Variants in RELL1 observed in about 807,000 individuals in gnomAD.
RELL1 encodes RELT-like protein 1.
RELL1 carries 10 observed loss-of-function variants against 23.0 expected under a neutral mutation model. That is an observed-to-expected ratio of 0.43 (90% CI 0.27 to 0.74). The LOEUF is 0.74. Ranked by LOEUF, RELL1 falls within the 30% of genes least tolerant of loss-of-function variation. The pLI, the probability that RELL1 is intolerant of heterozygous loss-of-function variation, is 0.19. For missense variants in RELL1, 315 were observed against 364.4 expected (o/e 0.86, Z 1.10); for synonymous variants, 146 against 146.8 (o/e 0.99, Z 0.04).
chr4:37,627,464 C>T (rs149727867), intron 6 of RELL1, among the ~76,000 whole-genome samples: 2 of 152,286 alleles, frequency 1.3e-5, no homozygotes, highest in African/African-American at 4.8e-5. Flanking sequence ...ATTTTAACCG[C>T]ATTGCCAAAA....
At position 37,598,076 on chromosome 4, in the gene RELL1, A is replaced by AT. The variant is rs1239685671; in HGVS notation, c.*4-6860dup. 0.037 allele frequency among the ~76,000 whole-genome samples: 1,224 copies of AT among 33,420 alleles called. 62 individuals carry two copies. In the East Asian group the frequency reaches 0.38, roughly 10 times the overall value. 21.9% of individuals were successfully genotyped at this position (33,420 alleles called of 152,430 possible). On this transcript the variant is annotated intron_variant, in intron 6 of 6. Coordinates refer to the RELL1 transcript ENST00000314117. ...AAATGATATGTAATATATATATATC[A>AT]TAATATATATATATATATAACTCCT...
intron 1 of RELL1, among the ~76,000 whole-genome samples, chr4:37,664,246 C>A (rs1002432243): frequency 1.3e-5 from 2 of 151,768 alleles, no homozygotes; most frequent in Non-Finnish European, 1.5e-5. Flanking sequence ...CATGGTGGCA[C>A]GTGCCTGTAG....
At chr4:37,664,717 T>C (rs1721471711) in intron 1 of RELL1, among the ~76,000 whole-genome samples, 1 of 152,162 alleles carries the variant, frequency 6.6e-6, no homozygotes, top group Non-Finnish European at 1.5e-5. Context: ...TTCACATTCA[T>C]TCTTTTATTT....
chr4:37,623,121 A>T (rs574879165), intron 6 of RELL1: 4 of 317,298 alleles, frequency 1.3e-5, no homozygotes, highest in East Asian at 9.6e-5. Flanking sequence ...CTTTTTAAAG[A>T]TATAATTGTA....
Position 37,612,400 on chromosome 4 carries a change from C to A in RELL1, c.*946G>T, listed in dbSNP as rs1719433002. 6.6e-6 allele frequency among the ~76,000 whole-genome samples: 1 copy of A among 151,134 alleles called. No homozygotes were observed. The highest frequency in any genetic ancestry group is 2.1e-4 in the South Asian group (1 of 4,802). On this transcript the variant is annotated 3_prime_UTR_variant, in exon 7 of 7. Coordinates refer to ENST00000454158, the MANE Select transcript of RELL1 (RefSeq NM_001085400.2). ...CCTATATTCCCAGCACTTTGGGAGG[C>A]CGAGGCGGGTAGATCGCCTGAGGTC...
chr4:37,613,175 C>A lies in RELL1; in HGVS notation c.*171G>T, dbSNP rs977382164. On this transcript the variant is annotated 3_prime_UTR_variant, in exon 7 of 7. Coordinates refer to ENST00000454158, the MANE Select transcript of RELL1 (RefSeq NM_001085400.2). The stretch of plus-strand genomic sequence containing the variant: ...AGACTCTTTCAACCAAAACTTGTTT[C>A]AAAGCAAACTGAATTCTGTATATGG... 6.6e-6 allele frequency: 1 copy of A among 152,194 alleles called. No individual in the cohort carries two copies. The highest frequency in any genetic ancestry group is 1.5e-5 in the Non-Finnish European group (1 of 68,034). The allele number at this position is 152,194 out of a possible 1,614,324, so 9.4% of individuals were successfully genotyped here. A position where few individuals can be genotyped will look rare whatever the true frequency, so the allele number is the denominator to read the frequency against.
intron 5 of RELL1, among the ~76,000 whole-genome samples, chr4:37,633,717 C>T (rs1049684319): frequency 6.6e-6 from 1 of 152,172 alleles, no homozygotes; most frequent in African/African-American, 2.4e-5. Context: ...TTCTTGAGTG[C>T]GTAAGTACCC....
downstream of RELL1, among the ~76,000 whole-genome samples, chr4:37,587,735 A>C (rs1718399572): frequency 6.6e-6 from 1 of 152,190 alleles, no homozygotes; most frequent in Non-Finnish European, 1.5e-5. Flanking sequence ...TTGAGAGGCC[A>C]AGGCAGGCAG....
intron 1 of RELL1, 27 bp downstream of exon 1, chr4:37,686,173 G>C: frequency 6.4e-7 from 1 of 1,551,652 alleles, no homozygotes; most frequent in Non-Finnish European, 8.7e-7. Context: ...TCAGCACCCG[G>C]CGCCCCGGCT....
chr4:37,615,767 A>G (rs16993717), intron 6 of RELL1, among the ~76,000 whole-genome samples: 27,066 of 152,152 alleles, frequency 0.18, 3,380 homozygotes, highest in East Asian at 0.33. Flanking sequence ...ATAAAACAAG[A>G]CTGATGGATA....
intron 1 of RELL1, among the ~76,000 whole-genome samples, chr4:37,680,139 A>G (rs1262050118): frequency 1.3e-5 from 2 of 152,240 alleles, no homozygotes; most frequent in Non-Finnish European, 2.9e-5. Context: ...GTTACCAACC[A>G]TGTACAAATT....
chr4:37,602,525 TCAGA>T (rs1254652588), intron 6 of RELL1, among the ~76,000 whole-genome samples: 1 of 151,940 alleles, frequency 6.6e-6, no homozygotes, highest in Non-Finnish European at 1.5e-5. Context: ...TCAACTCGAC[TCAGA>T]CAAAGTTGTG....
At chr4:37,595,356 C>G (rs1306492286) in intron 6 of RELL1, among the ~76,000 whole-genome samples, 1 of 152,168 alleles carries the variant, frequency 6.6e-6, no homozygotes, top group East Asian at 1.9e-4. Flanking sequence ...CACATTTAGT[C>G]ACTTGGAGTC....
chr4:37,663,420 T>G (rs935626941), intron 1 of RELL1, among the ~76,000 whole-genome samples: 2 of 152,226 alleles, frequency 1.3e-5, no homozygotes, highest in Non-Finnish European at 2.9e-5. Context: ...TTGTTTGAAG[T>G]GACCTTAAAG....
In RELL1 at chr4:37,603,810, T is replaced by G. The variant is rs1196249302; in HGVS notation, c.*4-12593A>C. ...AACAGGCAGTGCTGGTTGCTTTTTT[T>G]TGTTGTTGTTGTTTGTTTGTTTGTT... On this transcript the variant is annotated intron_variant, in intron 6 of 6. Coordinates refer to the RELL1 transcript ENST00000314117. Among the ~76,000 whole-genome samples, 174 of 152,078 alleles carry G rather than the reference T, an allele frequency of 1.1e-3. 3 individuals are homozygous for G. The highest frequency in any genetic ancestry group is 3.6e-3 in the African/African-American group (151 of 41,434).
chr4:37,623,247 C>T (rs1719831012), intron 6 of RELL1: 1 of 168,302 alleles, frequency 5.9e-6, no homozygotes, highest in Non-Finnish European at 1.3e-5. Context: ...CCAGACAGAG[C>T]CTTAAAATCC....
chr4:37,638,105 T>C (rs1365641141), intron 4 of RELL1, among the ~76,000 whole-genome samples: 1 of 152,226 alleles, frequency 6.6e-6, no homozygotes, highest in East Asian at 1.9e-4. Flanking sequence ...CCTCTATGCC[T>C]TCCTTCTTCC....
intron 6 of RELL1, chr4:37,622,720 T>C (rs910878129): frequency 4.6e-5 from 20 of 437,524 alleles, no homozygotes; most frequent in Non-Finnish European, 8.6e-5. Flanking sequence ...AAGAGTATGG[T>C]CTTCATTGTC....
intron 1 of RELL1, among the ~76,000 whole-genome samples, chr4:37,671,656 A>G (rs1394994429): frequency 6.6e-6 from 1 of 152,228 alleles, no homozygotes; most frequent in Non-Finnish European, 1.5e-5. Context: ...AAACTCACGA[A>G]TAATCCACCC....
Sources: gnomAD v4.1 joint callset for allele counts (sites outside exome capture counted in the v4.1 genomes callset) on GRCh38, gnomAD v4.1.1 for gene constraint, MANE v1.5 for transcripts, NCBI Gene and HGNC (gene_info 2026-07-23, HGNC 2026-07-21) for gene names.